Variants in ZFPM2 observed in about 807,000 individuals in gnomAD.
The protein encoded by ZFPM2 is zinc finger protein, FOG family member 2.
In ZFPM2, 20 loss-of-function variants were observed where a neutral mutation model predicts 98.6. The observed-to-expected ratio is 0.20, with a 90% confidence interval of 0.14 to 0.29. The LOEUF is 0.29. Among genes scored for constraint, ZFPM2 ranks in the 10% least tolerant of loss-of-function variants. The pLI is 1.00. For synonymous variants in ZFPM2, 518 were observed against 502.7 expected (o/e 1.03, Z -0.41); for missense variants, 1,310 against 1,388.6 (o/e 0.94, Z 0.90).
At chr8:105,363,920 C>G (rs1025029758) in intron 1 of ZFPM2, among the ~76,000 whole-genome samples, 4 of 151,988 alleles carry the variant, frequency 2.6e-5, no homozygotes, top group Non-Finnish European at 4.4e-5. Flanking sequence ...AGATATTTCT[C>G]AGTATGTGGT....
At chr8:105,494,042 A>T (rs1813408724) in intron 3 of ZFPM2, among the ~76,000 whole-genome samples, 1 of 151,228 alleles carries the variant, frequency 6.6e-6, no homozygotes, top group Admixed American at 6.6e-5. Flanking sequence ...TAATGTGGGT[A>T]TTGCCTAAGA....
intron 3 of ZFPM2, among the ~76,000 whole-genome samples, chr8:105,545,049 G>T (rs546552549): frequency 6.6e-6 from 1 of 152,142 alleles, no homozygotes; most frequent in Non-Finnish European, 1.5e-5. Context: ...AACATCCTTG[G>T]TTTAGAAGCT....
At chr8:105,567,415 C>T (rs1815264740) in intron 4 of ZFPM2, among the ~76,000 whole-genome samples, 1 of 152,140 alleles carries the variant, frequency 6.6e-6, no homozygotes. Context: ...GCTTCCCTTC[C>T]TCTTGGTTAG....
intron 1 of ZFPM2, among the ~76,000 whole-genome samples, chr8:105,410,805 T>G (rs1202223349): frequency 1.3e-5 from 2 of 151,912 alleles, no homozygotes; most frequent in African/African-American, 4.8e-5. Flanking sequence ...TAAGGAGTTC[T>G]GTGTTTAGGT....
At chr8:105,744,072 T>C (rs560314896) in intron 5 of ZFPM2, among the ~76,000 whole-genome samples, 1 of 152,216 alleles carries the variant, frequency 6.6e-6, no homozygotes, top group African/African-American at 2.4e-5. Flanking sequence ...ATCATAAATA[T>C]GCATGTTGTA....
At chr8:105,442,179 A>C (rs79366461) in intron 2 of ZFPM2, among the ~76,000 whole-genome samples, 6 of 106,238 alleles carry the variant, frequency 5.6e-5, no homozygotes, top group Non-Finnish European at 9.7e-5. Flanking sequence ...TAAAAATACA[A>C]AAAAAAAAAA....
intron 4 of ZFPM2, among the ~76,000 whole-genome samples, chr8:105,589,279 T>A (rs769660060): frequency 5.9e-5 from 9 of 152,108 alleles, no homozygotes; most frequent in Non-Finnish European, 1.2e-4. Context: ...AAAATGACAA[T>A]CCCCAATTTT....
chr8:105,427,735 A>G lies in ZFPM2; in HGVS notation c.199+8433A>G, dbSNP rs566173324. ...CTCAGCCACTTTTTGTTGTCCTTAA[A>G]AGGTCAAGTAAAAATAACTGAATAT... On this transcript the variant is annotated intron_variant, in intron 2 of 7. Transcript: ENST00000407775. 2.8e-4 allele frequency among the ~76,000 whole-genome samples: 43 copies of G among 152,302 alleles called. 1 individual carries two copies. In the South Asian group the frequency reaches 2.9e-3, roughly 10 times the overall value.
chr8:105,803,544 C>T lies in ZFPM2; in HGVS notation c.*6C>T. On this transcript the variant is annotated 3_prime_UTR_variant, in exon 8 of 8. Coordinates refer to ENST00000407775, the MANE Select transcript of ZFPM2 (RefSeq NM_012082.4). Reference sequence around the variant, plus strand: ...CAGCAGAACATGTCAAATGAACTAACTAAACATCAGTCACCTTTGGTATCA... The same window carrying T: ...CAGCAGAACATGTCAAATGAACTAATTAAACATCAGTCACCTTTGGTATCA... The T allele has an allele frequency of 1.2e-6, 2 of 1,600,138 alleles. No homozygotes were observed. The highest frequency in any genetic ancestry group is 1.7e-6 in the Non-Finnish European group (2 of 1,172,506).
At chr8:105,546,742 C>A (rs1305537257) in intron 3 of ZFPM2, among the ~76,000 whole-genome samples, 2 of 152,058 alleles carry the variant, frequency 1.3e-5, no homozygotes, top group African/African-American at 4.8e-5. Flanking sequence ...CAAGTAGCAA[C>A]CAGTCGAAGG....
At chr8:105,602,697 A>T (rs16892414) in intron 4 of ZFPM2, among the ~76,000 whole-genome samples, 1,801 of 149,892 alleles carry the variant, frequency 0.012, 27 homozygotes, top group African/African-American at 0.041. Flanking sequence ...TTTGCCTGTG[A>T]CAGATTTGAC....
intron 1 of ZFPM2, among the ~76,000 whole-genome samples, chr8:105,380,173 C>A (rs1209380929): frequency 6.6e-6 from 1 of 152,040 alleles, no homozygotes; most frequent in East Asian, 1.9e-4. Context: ...TTATTTGTAG[C>A]AGGAGGAAGT....
intron 3 of ZFPM2, among the ~76,000 whole-genome samples, chr8:105,494,201 A>G (rs1479269324): frequency 8.2e-6 from 1 of 122,036 alleles, no homozygotes; most frequent in Non-Finnish European, 1.6e-5. Context: ...ATATATATAT[A>G]TATATATATA....
chr8:105,411,602 A>C (rs1811578276), intron 1 of ZFPM2, among the ~76,000 whole-genome samples: 1 of 151,898 alleles, frequency 6.6e-6, no homozygotes, highest in Non-Finnish European at 1.5e-5. Flanking sequence ...TTATTATTGA[A>C]ATATATCTCA....
intron 3 of ZFPM2, among the ~76,000 whole-genome samples, chr8:105,523,213 G>A (rs1814100202): frequency 6.6e-6 from 1 of 152,090 alleles, no homozygotes. Context: ...TTCTGGAAGA[G>A]GGGTATTCAG....
chr8:105,657,311 G>A (rs1334421037), intron 5 of ZFPM2, among the ~76,000 whole-genome samples: 2 of 151,966 alleles, frequency 1.3e-5, no homozygotes, highest in African/African-American at 4.8e-5. Context: ...GCTAATTTTT[G>A]TATTCTTAGT....
intron 5 of ZFPM2, among the ~76,000 whole-genome samples, chr8:105,671,517 C>A (rs1466586936): frequency 6.6e-6 from 1 of 151,672 alleles, no homozygotes; most frequent in African/African-American, 2.4e-5. Flanking sequence ...ATTTTCTTTA[C>A]TGAAATTTTA....
chr8:105,684,872 C>T (rs1049805835), intron 5 of ZFPM2: 8 of 151,964 alleles, frequency 5.3e-5, no homozygotes, highest in African/African-American at 1.9e-4. Flanking sequence ...CCAACTATAT[C>T]GACATAAAGA....
At chr8:105,520,207 C>T (rs773342649) in intron 3 of ZFPM2, among the ~76,000 whole-genome samples, 12 of 149,924 alleles carry the variant, frequency 8.0e-5, no homozygotes, top group Admixed American at 1.3e-4. Flanking sequence ...TTTTCAAGTA[C>T]AGAAAGGCCA....
Sources: allele counts gnomAD v4.1 joint callset (sites outside exome capture counted in the v4.1 genomes callset), GRCh38; gene constraint gnomAD v4.1.1; transcripts MANE v1.5; gene names NCBI Gene and HGNC (gene_info 2026-07-23, HGNC 2026-07-21).